The following GRM7 variants were observed in gnomAD, a reference collection of about 807,000 sequenced individuals.
The protein encoded by GRM7 is metabotropic glutamate receptor 7.
GRM7 carries 35 observed loss-of-function variants against 84.5 expected under a neutral mutation model. The ratio of observed to expected loss-of-function variants is 0.41; its 90% confidence interval spans 0.32 to 0.55. The LOEUF (loss-of-function observed/expected upper bound fraction) is 0.55, where lower values mean the gene tolerates loss of function less well. GRM7 is among the 20% of genes least tolerant of loss of function. GRM7 has a pLI of 0.19. For synonymous variants in GRM7, 487 were observed against 455.1 expected (o/e 1.07, Z -0.89); for missense variants, 1,003 against 1,194.6 (o/e 0.84, Z 2.36).
At chr3:7,033,012 A>C (rs1366108973) in intron 1 of GRM7, among the ~76,000 whole-genome samples, 3 of 152,180 alleles carry the variant, frequency 2.0e-5, no homozygotes, top group Non-Finnish European at 4.4e-5. Flanking sequence ...TGGAAGTCTG[A>C]AATCAAGGCA....
At chr3:6,875,407 C>T (rs13100516) in intron 1 of GRM7, among the ~76,000 whole-genome samples, 4,406 of 152,146 alleles carry the variant, frequency 0.029, 89 homozygotes, top group Non-Finnish European at 0.047. Context: ...CCATACTGTT[C>T]TCTTGGTAGA....
At chr3:7,150,286 C>A (rs1694244611) in intron 2 of GRM7, among the ~76,000 whole-genome samples, 1 of 152,078 alleles carries the variant, frequency 6.6e-6, no homozygotes, top group Non-Finnish European at 1.5e-5. Context: ...AGACTTAAAT[C>A]CTGAGGCAGA....
At chr3:7,392,413 C>A (rs942370939) in intron 4 of GRM7, among the ~76,000 whole-genome samples, 3 of 152,220 alleles carry the variant, frequency 2.0e-5, no homozygotes, top group Non-Finnish European at 4.4e-5. Context: ...CCTTCCCACG[C>A]TCCAGAGCAA....
chr3:7,657,325 C>G (rs548067684), intron 8 of GRM7, among the ~76,000 whole-genome samples: 1 of 152,130 alleles, frequency 6.6e-6, no homozygotes, highest in Non-Finnish European at 1.5e-5. Context: ...TGCCATAACA[C>G]GCTGGTTAGA....
chr3:7,541,647 A>G (rs1362201282), intron 7 of GRM7, among the ~76,000 whole-genome samples: 3 of 152,146 alleles, frequency 2.0e-5, no homozygotes, highest in Non-Finnish European at 4.4e-5. Flanking sequence ...CTTTCTCTCC[A>G]TTTGTATTGT....
intron 1 of GRM7, among the ~76,000 whole-genome samples, chr3:6,952,321 G>C (rs1394763515): frequency 6.6e-6 from 1 of 152,060 alleles, no homozygotes; most frequent in East Asian, 1.9e-4. Flanking sequence ...TTCAGGGCCT[G>C]TGTGCGCCTA....
intron 8 of GRM7, among the ~76,000 whole-genome samples, chr3:7,618,883 T>G (rs577656532): frequency 6.6e-6 from 1 of 152,272 alleles, no homozygotes; most frequent in South Asian, 2.1e-4. Context: ...AACTGCCAAC[T>G]GCTAGACTGT....
At chr3:7,310,948 T>C (rs1488471839) in intron 4 of GRM7, among the ~76,000 whole-genome samples, 2 of 152,172 alleles carry the variant, frequency 1.3e-5, no homozygotes, top group Non-Finnish European at 2.9e-5. Flanking sequence ...TTCCATACTT[T>C]CCTTTCCTCA....
At chr3:6,925,516 A>G (rs17749832) in intron 1 of GRM7, among the ~76,000 whole-genome samples, 14,149 of 152,148 alleles carry the variant, frequency 0.093, 805 homozygotes, top group Non-Finnish European at 0.14. Flanking sequence ...CATACTTAAG[A>G]AGGTTATGTT....
chr3:7,569,735 A>T (rs913499484), intron 7 of GRM7, among the ~76,000 whole-genome samples: 1 of 152,130 alleles, frequency 6.6e-6, no homozygotes, highest in African/African-American at 2.4e-5. Context: ...CAGAGGAAGG[A>T]ACAACTCCAG....
chr3:7,570,602 C>T (rs1239360), intron 7 of GRM7, among the ~76,000 whole-genome samples: 94,123 of 152,118 alleles, frequency 0.62, 29,843 homozygotes, highest in African/African-American at 0.76. Flanking sequence ...CTTTGCAGGG[C>T]ACAGCCTTCC....
At chr3:7,505,771 G>T (rs1252276385) in intron 7 of GRM7, among the ~76,000 whole-genome samples, 2 of 152,180 alleles carry the variant, frequency 1.3e-5, no homozygotes, top group Non-Finnish European at 2.9e-5. Flanking sequence ...CTTGCCAGCT[G>T]CCCAACCCCT....
intron 7 of GRM7, among the ~76,000 whole-genome samples, chr3:7,485,049 G>GC (rs1282834822): frequency 9.2e-5 from 14 of 152,140 alleles, no homozygotes; most frequent in African/African-American, 2.9e-4. Context: ...ACTATATCCT[G>GC]CCAACAACCA....
intron 8 of GRM7, among the ~76,000 whole-genome samples, chr3:7,647,750 A>G (rs542392049): frequency 6.6e-6 from 1 of 152,152 alleles, no homozygotes; most frequent in Non-Finnish European, 1.5e-5. Context: ...ACAGACAACA[A>G]ATGTGCTACA....
At chr3:7,003,457 T>C (rs762294946) in intron 1 of GRM7, among the ~76,000 whole-genome samples, 9 of 152,100 alleles carry the variant, frequency 5.9e-5, no homozygotes, top group Non-Finnish European at 1.2e-4. Flanking sequence ...ATGCAATTGA[T>C]TATCACAGCA....
chr3:6,996,927 A>G (rs985292884), intron 1 of GRM7, among the ~76,000 whole-genome samples: 1 of 152,216 alleles, frequency 6.6e-6, no homozygotes, highest in Non-Finnish European at 1.5e-5. Flanking sequence ...ACATCCATGC[A>G]ATTCCCTGTC....
chr3:7,297,904 G>C (rs185725025), intron 2 of GRM7, among the ~76,000 whole-genome samples: 4 of 152,298 alleles, frequency 2.6e-5, no homozygotes, highest in Admixed American at 6.5e-5. Flanking sequence ...AGGGAAGTAA[G>C]ATGTATACGC....
At chr3:6,878,004 T>G (rs1695378584) in intron 1 of GRM7, among the ~76,000 whole-genome samples, 1 of 152,040 alleles carries the variant, frequency 6.6e-6, no homozygotes, top group South Asian at 2.1e-4. Flanking sequence ...ATATATTTGC[T>G]GAAGAAAATA....
chr3:6,944,963 G>A (rs1245563873), intron 1 of GRM7, among the ~76,000 whole-genome samples: 1 of 151,996 alleles, frequency 6.6e-6, no homozygotes, highest in Admixed American at 6.6e-5. Context: ...TTTAATATCT[G>A]TAGAATCTAT....
Sources: allele counts gnomAD v4.1 joint callset (sites outside exome capture counted in the v4.1 genomes callset), GRCh38; gene constraint gnomAD v4.1.1; transcripts MANE v1.5; gene names NCBI Gene and HGNC (gene_info 2026-07-23, HGNC 2026-07-21).